Variants in BCL2L11 observed in about 807,000 individuals in gnomAD.
BCL2L11 encodes BCL2 like 11.
Under a neutral mutation model 20.6 loss-of-function variants are expected in BCL2L11, and 15 were observed. That is an observed-to-expected ratio of 0.73 (90% CI 0.49 to 1.12). The LOEUF is 1.12. Ranked by LOEUF, BCL2L11 falls within the 50% of genes most tolerant of loss-of-function variation. The pLI is 0.00. For synonymous variants in BCL2L11, 108 were observed against 92.8 expected, an observed-to-expected ratio of 1.16 and a Z score of -0.94; for missense variants, 292 against 260.9, an observed-to-expected ratio of 1.12 and a Z score of -0.82.
At chr2:111,131,909 T>C (rs780039459) in intron 2 of BCL2L11, 6 of 152,242 alleles carry the variant, frequency 3.9e-5, no homozygotes, top group Non-Finnish European at 7.4e-5. Context: ...AAGGACAGGA[T>C]TGATGGTAAG....
At chr2:111,157,900 AG>A (rs1489143537) in intron 3 of BCL2L11, among the ~76,000 whole-genome samples, 1 of 152,186 alleles carries the variant, frequency 6.6e-6, no homozygotes, top group African/African-American at 2.4e-5. Flanking sequence ...TTTGGGGTGA[AG>A]GTACCATGCA....
At chr2:111,161,095 C>T (rs762822518) in intron 3 of BCL2L11, among the ~76,000 whole-genome samples, 1 of 152,150 alleles carries the variant, frequency 6.6e-6, no homozygotes, top group Non-Finnish European at 1.5e-5. Context: ...TTGTCTCTTA[C>T]CAGAACACCG....
chr2:111,152,446 C>G (rs2077364816), intron 3 of BCL2L11, among the ~76,000 whole-genome samples: 1 of 152,228 alleles, frequency 6.6e-6, no homozygotes, highest in African/African-American at 2.4e-5. Context: ...GGATATTATA[C>G]AAGTTTCTCT....
intron 3 of BCL2L11, chr2:111,152,034 A>G: frequency 1.4e-6 from 1 of 711,118 alleles, no homozygotes; most frequent in Non-Finnish European, 2.4e-6. Flanking sequence ...TTGACTAGGA[A>G]GAACTGGTGA....
intron 1 of BCL2L11, among the ~76,000 whole-genome samples, chr2:111,122,215 A>C (rs1215354775): frequency 6.6e-6 from 1 of 152,214 alleles, no homozygotes; most frequent in Non-Finnish European, 1.5e-5. Context: ...TCTGCCCCCG[A>C]CGGGCCAAAA....
At chr2:111,155,338 A>G (rs915973272) in intron 3 of BCL2L11, among the ~76,000 whole-genome samples, 1 of 152,086 alleles carries the variant, frequency 6.6e-6, no homozygotes, top group Non-Finnish European at 1.5e-5. Context: ...AGTTTCTTTC[A>G]TCACCCAAAC....
At chr2:111,161,126 A>G (rs1420643426) in intron 3 of BCL2L11, among the ~76,000 whole-genome samples, 2 of 152,156 alleles carry the variant, frequency 1.3e-5, no homozygotes, top group Non-Finnish European at 1.5e-5. Context: ...CCCACCCCAC[A>G]GTGACCTCAT....
rs2078896732 is a variant in BCL2L11 at position 111,164,046 on chromosome 2, A to T, written c.499-87A>T. The T allele has an allele frequency of 2.7e-5, 23 of 847,088 alleles. 1 individual carries two copies. In the South Asian group the frequency reaches 3.1e-4, roughly 11 times the overall value. 52.5% of individuals were successfully genotyped at this position (847,088 alleles called of 1,614,324 possible). A position where few individuals can be genotyped will look rare whatever the true frequency, so the allele number is the denominator to read the frequency against. ...TGCCTTTCATGGTGATTAAGATGGG[A>T]TTGGTTGTTCACTTAAATATGGGCT... On this transcript the variant is annotated intron_variant, in intron 3 of 3. Transcript: ENST00000393256.
At chr2:111,122,542 C>A (rs2071299891) in intron 1 of BCL2L11, 1 of 924,810 alleles carries the variant, frequency 1.1e-6, no homozygotes, top group Non-Finnish European at 1.3e-6. Context: ...GCGGAGCGAC[C>A]GCGCGCGGAC....
At chr2:111,146,189 T>G in intron 2 of BCL2L11, 1 of 985,250 alleles carries the variant, frequency 1.0e-6, no homozygotes, top group Non-Finnish European at 1.2e-6. Context: ...ATTTCCCCTT[T>G]GAAGAATTTT....
chr2:111,146,140 A>AAACT, intron 2 of BCL2L11: 6 of 985,342 alleles, frequency 6.1e-6, no homozygotes, highest in Non-Finnish European at 7.2e-6. Flanking sequence ...ATAAATGCTG[A>AAACT]AACTACATTT....
intron 2 of BCL2L11, among the ~76,000 whole-genome samples, chr2:111,127,021 T>C (rs2072774834): frequency 1.3e-5 from 2 of 151,944 alleles, no homozygotes; most frequent in Non-Finnish European, 1.5e-5. Context: ...TTTCCTTTTA[T>C]GTCTCTGATT....
At chr2:111,136,802 A>G (rs1306880853) in intron 2 of BCL2L11, among the ~76,000 whole-genome samples, 1 of 152,196 alleles carries the variant, frequency 6.6e-6, no homozygotes, top group African/African-American at 2.4e-5. Flanking sequence ...GGGGGCATGT[A>G]ACGTTTATAC....
chr2:111,161,528 G>T, intron 3 of BCL2L11: 1 of 1,548,486 alleles, frequency 6.5e-7, no homozygotes, highest in South Asian at 1.2e-5. Context: ...GTCAAGGCAT[G>T]GCTGCTGATG....
intron 3 of BCL2L11, among the ~76,000 whole-genome samples, chr2:111,150,602 G>A (rs1382023181): frequency 6.6e-6 from 1 of 152,210 alleles, no homozygotes; most frequent in African/African-American, 2.4e-5. Flanking sequence ...TTGCAGGGTG[G>A]CCCGAGGAAG....
Position 111,123,957 on chromosome 2 carries a change from G to C in BCL2L11, c.212G>C (p.Gly71Ala). The C allele has an allele frequency of 6.2e-7, 1 of 1,614,200 alleles. No individual in the cohort carries two copies. Among genetic ancestry groups the C allele is most frequent in the South Asian group, 1.1e-5 (1 of 91,090 alleles). ...CCGCTGGCCCCACCTGCCAGCCCTG[G>C]CCCTTTTGCTACCAGATCCCCGCTT... is the stretch of plus-strand genomic sequence containing the variant. ...QGPLAPPASPGPFATRSPLFI... is the reference protein window; with the variant it reads ...QGPLAPPASPAPFATRSPLFI... The change falls in exon 2 of 4, where the codon GGC becomes GCC. Residue 71 changes from glycine (G) to alanine (A), a missense_variant. Coordinates refer to ENST00000393256, the MANE Select transcript of BCL2L11 (RefSeq NM_138621.5).
At chr2:111,147,340 TCTCTCTCACACACA>T (rs1168097498) in intron 2 of BCL2L11, among the ~76,000 whole-genome samples, 6 of 134,972 alleles carry the variant, frequency 4.4e-5, no homozygotes, top group African/African-American at 1.4e-4. Context: ...TCTCTCTCTC[TCTCTCTCACACACA>T]CACACACACA....
At chr2:111,147,481 T>C (rs2076712200) in intron 2 of BCL2L11, among the ~76,000 whole-genome samples, 1 of 152,206 alleles carries the variant, frequency 6.6e-6, no homozygotes, top group South Asian at 2.1e-4. Flanking sequence ...ACTTTTCTTT[T>C]TGTACAAGAA....
At chr2:111,141,959 C>G (rs1386468918) in intron 2 of BCL2L11, among the ~76,000 whole-genome samples, 4 of 152,230 alleles carry the variant, frequency 2.6e-5, no homozygotes, top group Non-Finnish European at 5.9e-5. Flanking sequence ...CCTCAGCCTC[C>G]CAAAGTGCTA....
Sources: gnomAD v4.1 joint callset for allele counts (sites outside exome capture counted in the v4.1 genomes callset) on GRCh38, gnomAD v4.1.1 for gene constraint, MANE v1.5 for transcripts, NCBI Gene and HGNC (gene_info 2026-07-23, HGNC 2026-07-21) for gene names.